Variants in FBN3 observed in about 807,000 individuals in gnomAD.
FBN3 encodes fibrillin 3.
A neutral mutation model predicts 330.1 loss-of-function variants in FBN3; 234 were observed. The ratio of observed to expected loss-of-function variants is 0.71; its 90% confidence interval spans 0.64 to 0.79. The LOEUF is 0.79. FBN3 is among the 30% of genes least tolerant of loss of function. FBN3 has a pLI of 0.00. For missense variants in FBN3, 3,606 were observed against 3,886.9 expected, an observed-to-expected ratio of 0.93 and a Z score of 1.92; for synonymous variants, 1,458 against 1,517.3, an observed-to-expected ratio of 0.96 and a Z score of 0.91.
At position 8,129,476 on chromosome 19, in the gene FBN3, C is replaced by A; in HGVS notation, c.2045-111G>T. On this transcript the variant is annotated intron_variant, in intron 16 of 63. Transcript: ENST00000600128. This position sits in a 1 kb window ranked among gnomAD's most constrained non-coding sequence, Gnocchi z 4.5. ...TCTCTAGAAGTCAGATTCCCCAAGGCCATAGCTCCAGCCCAGACCCGGCCT... is the reference window on the plus strand; with the variant it reads ...TCTCTAGAAGTCAGATTCCCCAAGGACATAGCTCCAGCCCAGACCCGGCCT... The A allele has an allele frequency of 2.8e-6, 4 of 1,429,248 alleles. No individual in the cohort carries two copies. The highest frequency in any genetic ancestry group is 3.8e-6 in the Non-Finnish European group (4 of 1,044,296). The allele number at this position is 1,429,248 out of a possible 1,614,324, so 88.5% of individuals were successfully genotyped here. A position where few individuals can be genotyped will look rare whatever the true frequency, so the allele number is the denominator to read the frequency against.
Position 8,129,498 on chromosome 19 carries a change from G to T in FBN3, c.2045-133C>A. The T allele has an allele frequency of 8.6e-7, 1 of 1,160,596 alleles. No homozygotes were observed. The highest frequency in any genetic ancestry group is 1.2e-6 in the Non-Finnish European group (1 of 825,070). The allele number at this position is 1,160,596 out of a possible 1,614,324, so 71.9% of individuals were successfully genotyped here. ...AGGCCATAGCTCCAGCCCAGACCCG[G>T]CCTCATTCTGCTCTAAACCGAGGTT... On this transcript the variant is annotated intron_variant, in intron 16 of 63. Coordinates refer to ENST00000600128, the MANE Select transcript of FBN3 (RefSeq NM_032447.5). The surrounding 1 kb of genome is among the most constrained non-coding windows in gnomAD (Gnocchi z 4.5).
chr19:8,069,116 G>A (rs575013139), intron 63 of FBN3, among the ~76,000 whole-genome samples: 4 of 152,302 alleles, frequency 2.6e-5, no homozygotes, highest in South Asian at 4.1e-4. Flanking sequence ...TGAGAGAAAC[G>A]GGATGCCAAG....
chr19:8,081,279 G>A, intron 58 of FBN3, 79 bp downstream of exon 58: 1 of 1,530,388 alleles, frequency 6.5e-7, no homozygotes, highest in Non-Finnish European at 8.9e-7. Context: ...GAGATTGCAG[G>A]GGACATGTCT....
chr19:8,135,936 G>GGTCC, intron 13 of FBN3, 25 bp downstream of exon 13: 2 of 668,776 alleles, frequency 3.0e-6, no homozygotes, highest in African/African-American at 2.0e-5. Flanking sequence ...GGAAGCCCCT[G>GGTCC]CCCACCCGCC....
chr19:8,112,391 A>C (rs2082609194), intron 30 of FBN3, among the ~76,000 whole-genome samples: 1 of 152,180 alleles, frequency 6.6e-6, no homozygotes, highest in Non-Finnish European at 1.5e-5. Flanking sequence ...TCACGCCTGT[A>C]ATCCCAGCAC....
intron 21 of FBN3, 83 bp from the exon 22 acceptor site, chr19:8,126,100 C>T: frequency 6.3e-7 from 1 of 1,590,774 alleles, no homozygotes; most frequent in Non-Finnish European, 8.6e-7. Flanking sequence ...TCAAGTTGTC[C>T]TTGAGGAGGA....
rs368098494 is a variant in FBN3, at chr19:8,123,549, G to A, written c.2997C>T (p.His999=). Residue 999 remains histidine, a synonymous_variant, in exon 24 of 64, where the codon CAC becomes CAT. Coordinates refer to ENST00000600128, the MANE Select transcript of FBN3 (RefSeq NM_032447.5). ...TGCCCACCGTGTTTCTGCAGGTACC[G>A]TGCGTGCAGAGGCCAGGGAACACCT... ...ECKVFPGLCT[H]GTCRNTVGSF... The A allele has an allele frequency of 4.8e-5, 77 of 1,614,060 alleles. No individual in the cohort carries two copies. The highest frequency in any genetic ancestry group is 3.7e-4 in the Admixed American group (22 of 60,000).
chr19:8,131,564 G>A lies in FBN3; in HGVS notation c.1980C>T (p.Ala660=), dbSNP rs2083147999. ...GFGEPCQLCP[A]KDSAEFQALC... ...CAGCCGGATGCTCACCGGAGTCTTT[G>A]GCAGGACAAAGCTGGCAGGGCTCCC... The change falls in exon 15 of 64, where the codon GCC becomes GCT. Residue 660 remains alanine (A), a synonymous_variant. Transcript: ENST00000600128. This position sits in a 1 kb window ranked among gnomAD's most constrained non-coding sequence, Gnocchi z 4.5. The A allele has an allele frequency of 1.2e-6, 2 of 1,607,216 alleles. No individual in the cohort carries two copies. The highest frequency in any genetic ancestry group is 1.7e-6 in the Non-Finnish European group (2 of 1,175,292).
At chr19:8,122,255 A>T (rs867736648) in intron 24 of FBN3, among the ~76,000 whole-genome samples, 1 of 151,938 alleles carries the variant, frequency 6.6e-6, no homozygotes, top group African/African-American at 2.4e-5. Flanking sequence ...GGCTCAAGCA[A>T]TCCTCCCACC....
At chr19:8,076,339 A>G (rs1340095697) in intron 59 of FBN3, among the ~76,000 whole-genome samples, 1 of 150,814 alleles carries the variant, frequency 6.6e-6, no homozygotes, top group East Asian at 1.9e-4. Context: ...AAATATTCTT[A>G]CTATTCTTGG....
chr19:8,135,935 T>TTGGGGGGGGGGGGGGGGGGGGGGGGGCGG, intron 13 of FBN3, 26 bp downstream of exon 13: 4 of 1,344,156 alleles, frequency 3.0e-6, no homozygotes, highest in Non-Finnish European at 4.0e-6. Flanking sequence ...CGGAAGCCCC[T>TTGGGGGGGGGGGGGGGGGGGGGGGGGCGG]GCCCACCCGC....
Position 8,065,929 on chromosome 19 carries a change from T to C in FBN3, c.8420A>G (p.Gln2807Arg), listed in dbSNP as rs2081378584. ...GQALRLKVQL[Q>R]LL is the part of the protein sequence containing the mutation. ...TGAGGCTCCTCCCAACTAAAGCAAC[T>C]GCAGCTGCACCTTCAGCCTCAAGGC... is the stretch of plus-strand genomic sequence containing the variant. Residue 2807 changes from glutamine (Q) to arginine (R), a missense_variant, in exon 64 of 64, where the codon CAG becomes CGG. Physicochemically the swap from Gln to Arg is conservative, Grantham distance 43 (BLOSUM62 1). Coordinates refer to ENST00000600128, the MANE Select transcript of FBN3 (RefSeq NM_032447.5). 6.3e-7 allele frequency: 1 copy of C among 1,575,810 alleles called. No homozygotes were observed. The highest frequency in any genetic ancestry group is 1.2e-5 in the South Asian group (1 of 86,850).
At position 8,099,395 on chromosome 19, in the gene FBN3, C is replaced by T. The variant is rs1256900848; in HGVS notation, c.5161+1506G>A. Among the ~76,000 whole-genome samples the T allele has an allele frequency of 2.0e-5, 3 of 149,296 alleles. No homozygotes were observed. In the East Asian group the frequency reaches 6.1e-4, roughly 30 times the overall value. On this transcript the variant is annotated intron_variant, in intron 41 of 63. Coordinates refer to ENST00000600128, the MANE Select transcript of FBN3 (RefSeq NM_032447.5). ...TCCTGGGTTCACGCCATTCTCCTGC[C>T]TCAGCCTCCCGAGTAGCTGGGACTA...
chr19:8,104,886 C>A (rs995213824), intron 38 of FBN3, among the ~76,000 whole-genome samples: 2 of 151,800 alleles, frequency 1.3e-5, no homozygotes, highest in Non-Finnish European at 2.9e-5. Flanking sequence ...ACTTTCTTTT[C>A]TTTTCTTCTT....
At chr19:8,145,680 CA>C (rs56250248) in intron 5 of FBN3, among the ~76,000 whole-genome samples, 162 bp downstream of exon 5, 14,129 of 108,262 alleles carry the variant, frequency 0.13, 593 homozygotes, top group East Asian at 0.18. Flanking sequence ...GACTCTGTCT[CA>C]AAAAAAAAAA....
intron 59 of FBN3, among the ~76,000 whole-genome samples, chr19:8,075,719 C>A (rs2081625161): frequency 6.6e-6 from 1 of 152,208 alleles, no homozygotes; most frequent in African/African-American, 2.4e-5. Context: ...TACCTCATTG[C>A]ATTTTTGTGT....
At position 8,136,254 on chromosome 19, in the gene FBN3, G is replaced by C. The variant is rs745372997; in HGVS notation, c.1401C>G (p.Pro467=). 6.2e-7 allele frequency: 1 copy of C among 1,608,320 alleles called. No homozygotes were observed. The highest frequency in any genetic ancestry group is 1.7e-5 in the Admixed American group (1 of 59,610). Reference sequence around the variant, plus strand: ...GGTAGCACCGGCAGTGGTAGGTGCCGGGGATGTTGACGCAGTCACCGTGGT... The same window carrying C: ...GGTAGCACCGGCAGTGGTAGGTGCCCGGGATGTTGACGCAGTCACCGTGGT... ...PCHHGDCVNI[P]GTYHCRCYPG... Residue 467 remains proline, a synonymous_variant, in exon 12 of 64, where the codon CCC becomes CCG. Transcript: ENST00000600128.
Position 8,124,014 on chromosome 19 carries a change from C to T in FBN3, c.2732-6G>A, listed in dbSNP as rs374726521. On this transcript the variant is annotated splice_region_variant and splice_polypyrimidine_tract_variant and intron_variant, in intron 22 of 63. Coordinates refer to ENST00000600128, the MANE Select transcript of FBN3 (RefSeq NM_032447.5). ...ACATGGTTCCAATCTCACATCTGCA[C>T]GGGGGACAGTCACTGCGTCCCCACC... 3.2e-4 allele frequency: 510 copies of T among 1,610,288 alleles called. 7 individuals are homozygous for T. The South Asian group carries it at 3.5e-3, about 11-fold the overall frequency.
Position 8,131,462 on chromosome 19 carries a change from T to G in FBN3, c.1990+92A>C. ...GCCTCTTTTTGGGAAGAGCCCCCAC[T>G]CCATGGCAGCCATGACCCCCCACCA... On this transcript the variant is annotated intron_variant, in intron 15 of 63. Coordinates refer to ENST00000600128, the MANE Select transcript of FBN3 (RefSeq NM_032447.5). This position sits in a 1 kb window ranked among gnomAD's most constrained non-coding sequence, Gnocchi z 4.5. 6.6e-7 allele frequency: 1 copy of G among 1,516,266 alleles called. No individual in the cohort carries two copies. Among genetic ancestry groups the G allele is most frequent in the Admixed American group, 1.9e-5 (1 of 53,328 alleles). The allele number at this position is 1,516,266 out of a possible 1,614,324, so 93.9% of individuals were successfully genotyped here. A position where few individuals can be genotyped will look rare whatever the true frequency, so the allele number is the denominator to read the frequency against.
Sources: gnomAD v4.1 joint callset for allele counts (sites outside exome capture counted in the v4.1 genomes callset) on GRCh38, gnomAD v4.1.1 for gene constraint, Gnocchi (gnomAD v3.1) non-coding constraint, MANE v1.5 for transcripts, NCBI Gene and HGNC (gene_info 2026-07-23, HGNC 2026-07-21) for gene names.